Variants in PIK3C3 observed in about 807,000 individuals in gnomAD.
PIK3C3 encodes the protein phosphatidylinositol 3-kinase catalytic subunit type 3.
A neutral mutation model predicts 126.1 loss-of-function variants in PIK3C3; 95 were observed. The ratio of observed to expected loss-of-function variants is 0.75; its 90% CI spans 0.64 to 0.89. The LOEUF (loss-of-function observed/expected upper bound fraction) is 0.89, where lower values mean the gene tolerates loss of function less well. Among genes scored for constraint, PIK3C3 ranks in the 40% least tolerant of loss-of-function variants. The pLI is 0.00. For synonymous variants in PIK3C3, 374 were observed against 360.0 expected (o/e 1.04, Z -0.44); for missense variants, 829 against 1,063.2 (o/e 0.78, Z 3.06).
Position 42,083,548 on chromosome 18 carries a change from C to G in PIK3C3, c.*2411C>G, listed in dbSNP as rs1986322979. 1 of 152,104 alleles carries G rather than the reference C, an allele frequency of 6.6e-6. No individual in the cohort carries two copies. The highest frequency in any genetic ancestry group is 2.1e-4 in the South Asian group (1 of 4,826). The allele number at this position is 152,104 out of a possible 1,614,324, so 9.4% of individuals were successfully genotyped here. A position where few individuals can be genotyped will look rare whatever the true frequency, so the allele number is the denominator to read the frequency against. ...GCTTTTTGCTGGAGTTAGCAAAAATCATTCTCCATATGATAGTTTTAGATG... is the reference window on the plus strand; with the variant it reads ...GCTTTTTGCTGGAGTTAGCAAAAATGATTCTCCATATGATAGTTTTAGATG... On this transcript the variant is annotated 3_prime_UTR_variant, in exon 25 of 25. Coordinates refer to ENST00000262039, the MANE Select transcript of PIK3C3 (RefSeq NM_002647.4).
At chr18:42,068,667 G>A (rs889566877) in intron 24 of PIK3C3, among the ~76,000 whole-genome samples, 3 of 151,720 alleles carry the variant, frequency 2.0e-5, no homozygotes, top group South Asian at 2.1e-4. Context: ...TTAGATTCCC[G>A]GGGCCAGGCG....
rs1238134686 is a variant in PIK3C3 at position 42,086,333 on chromosome 18, A to G, written c.*5196A>G. ...CCCACATACAGCTCGGTACAACTGC[A>G]TTTCCCCAAACCTCAGAACTCCTTG... On this transcript the variant is annotated 3_prime_UTR_variant, in exon 25 of 25. Coordinates refer to ENST00000262039, the MANE Select transcript of PIK3C3 (RefSeq NM_002647.4). 1.3e-5 allele frequency: 2 copies of G among 152,252 alleles called. No homozygotes were observed. The highest frequency in any genetic ancestry group is 4.8e-5 in the African/African-American group (2 of 41,394). The allele number at this position is 152,252 out of a possible 1,614,324, so 9.4% of individuals were successfully genotyped here.
chr18:41,992,409 C>G (rs1479832172), intron 6 of PIK3C3, among the ~76,000 whole-genome samples: 1 of 152,146 alleles, frequency 6.6e-6, no homozygotes, highest in African/African-American at 2.4e-5. Flanking sequence ...AGTAAAGTTA[C>G]AGTGCTTCCC....
At chr18:41,980,789 C>T (rs973043476) in intron 4 of PIK3C3, among the ~76,000 whole-genome samples, 1 of 151,994 alleles carries the variant, frequency 6.6e-6, no homozygotes, top group Non-Finnish European at 1.5e-5. Context: ...AGAAAACTTC[C>T]GTCTTTTAAA....
At chr18:42,043,578 G>C (rs188193575) in intron 19 of PIK3C3, among the ~76,000 whole-genome samples, 155 bp from the exon 20 acceptor site, 1 of 152,026 alleles carries the variant, frequency 6.6e-6, no homozygotes, top group South Asian at 2.1e-4. Context: ...TGTATTTATC[G>C]CACTCTTACA....
intron 6 of PIK3C3, among the ~76,000 whole-genome samples, chr18:41,992,514 A>G (rs1237893022): frequency 6.6e-6 from 1 of 152,190 alleles, no homozygotes; most frequent in Non-Finnish European, 1.5e-5. Context: ...CTAAATATAC[A>G]GTCATGAGAA....
intron 3 of PIK3C3, among the ~76,000 whole-genome samples, chr18:41,963,602 C>T (rs557817927): frequency 1.4e-4 from 21 of 152,248 alleles, no homozygotes; most frequent in African/African-American, 4.3e-4. Flanking sequence ...TGGTTCCTTT[C>T]AGTGTGAAAT....
chr18:42,001,118 T>C (rs1982266070), intron 9 of PIK3C3, among the ~76,000 whole-genome samples: 1 of 152,182 alleles, frequency 6.6e-6, no homozygotes, highest in Non-Finnish European at 1.5e-5. Flanking sequence ...ATTCTAAGAA[T>C]AGGAGACAAC....
chr18:41,975,395 T>TTA (rs1980864486), intron 4 of PIK3C3, among the ~76,000 whole-genome samples: 10 of 152,206 alleles, frequency 6.6e-5, no homozygotes, highest in Non-Finnish European at 1.2e-4. Context: ...ACATTTCAAA[T>TTA]GCTTAGACGC....
intron 24 of PIK3C3, among the ~76,000 whole-genome samples, chr18:42,067,978 T>C (rs548344427): frequency 3.9e-5 from 6 of 152,300 alleles, no homozygotes; most frequent in African/African-American, 1.4e-4. Context: ...ATGGTAAACT[T>C]CAGATTTAAA....
At chr18:41,989,008 A>G (rs537008420) in intron 5 of PIK3C3, among the ~76,000 whole-genome samples, 13 of 152,284 alleles carry the variant, frequency 8.5e-5, no homozygotes, top group African/African-American at 3.1e-4. Context: ...CATTACTATT[A>G]CAAAATAGAC....
chr18:42,008,037 C>T (rs2144391411), intron 10 of PIK3C3, among the ~76,000 whole-genome samples: 1 of 152,220 alleles, frequency 6.6e-6, no homozygotes, highest in Non-Finnish European at 1.5e-5. Flanking sequence ...ACGCTTTTGA[C>T]ACTCGTTCAT....
chr18:41,978,615 A>G (rs909881933), intron 4 of PIK3C3, among the ~76,000 whole-genome samples: 2 of 152,236 alleles, frequency 1.3e-5, no homozygotes, highest in African/African-American at 4.8e-5. Context: ...TTTTGAATGC[A>G]TTAAACGCAC....
At chr18:42,045,296 CTG>C (rs1212117782) in intron 20 of PIK3C3, among the ~76,000 whole-genome samples, 3 of 152,072 alleles carry the variant, frequency 2.0e-5, no homozygotes, top group African/African-American at 4.8e-5. Flanking sequence ...TCCTCTTACT[CTG>C]TGTTTCTCTC....
intron 10 of PIK3C3, among the ~76,000 whole-genome samples, chr18:42,005,172 T>C (rs191565182): frequency 1.4e-4 from 21 of 152,332 alleles, no homozygotes; most frequent in African/African-American, 5.0e-4. Context: ...ATTTCATCTT[T>C]GTGCAGACAT....
chr18:42,035,789 T>C (rs1043253051), intron 16 of PIK3C3, among the ~76,000 whole-genome samples: 2 of 152,160 alleles, frequency 1.3e-5, no homozygotes, highest in Admixed American at 6.5e-5. Context: ...ATCTGTGGAC[T>C]CCTGTTTTCC....
intron 13 of PIK3C3, among the ~76,000 whole-genome samples, chr18:42,025,055 G>A (rs1295682261): frequency 1.3e-5 from 2 of 150,720 alleles, no homozygotes; most frequent in Non-Finnish European, 3.0e-5. Context: ...CTCATGATCC[G>A]CCCACCTTGG....
rs771843128 is a variant in PIK3C3 at position 41,990,468 on chromosome 18, CG to C, written c.629del (p.Arg210GlnfsTer8). The C allele has an allele frequency of 2.7e-5, 43 of 1,565,634 alleles. No individual in the cohort carries two copies. Among genetic ancestry groups the C allele is most frequent in the Non-Finnish European group, 3.2e-5 (37 of 1,139,322 alleles). ...EIEMINESEK[R>X]SSNFMYLMVE... ...TCATTTTTTTTTTCAGAGTGAAAAA[CG>C]AAGTTCTAATTTCATGTACCTGATG... is the stretch of plus-strand genomic sequence containing the variant. On this transcript the variant is annotated frameshift_variant, in exon 6 of 25. Transcript: ENST00000262039. LOFTEE classifies it high-confidence loss of function.
chr18:41,998,424 A>T (rs1419149660), intron 9 of PIK3C3, among the ~76,000 whole-genome samples: 1 of 152,160 alleles, frequency 6.6e-6, no homozygotes, highest in Non-Finnish European at 1.5e-5. Context: ...TAGATATTGA[A>T]TTGAACCTGT....
Sources: gnomAD v4.1 joint callset for allele counts (sites outside exome capture counted in the v4.1 genomes callset) on GRCh38, gnomAD v4.1.1 for gene constraint, MANE v1.5 for transcripts, NCBI Gene and HGNC (gene_info 2026-07-23, HGNC 2026-07-21) for gene names.